MYO10: variants seen among roughly 807,000 people sequenced by gnomAD.
MYO10 encodes unconventional myosin-X.
Under a neutral mutation model 257.3 loss-of-function variants are expected in MYO10, and 133 were observed. The observed-to-expected ratio is 0.52, with a 90% confidence interval of 0.45 to 0.60. The LOEUF (loss-of-function observed/expected upper bound fraction) is 0.60. MYO10 is among the 20% of genes least tolerant of loss of function. The pLI is 0.00. For synonymous variants in MYO10, 1,104 were observed against 1,028.6 expected (o/e 1.07, Z -1.40); for missense variants, 2,399 against 2,635.7 (o/e 0.91, Z 1.97).
chr5:16,725,863 C>T (rs1363353929), intron 19 of MYO10, among the ~76,000 whole-genome samples: 2 of 151,196 alleles, frequency 1.3e-5, no homozygotes, highest in Non-Finnish European at 2.9e-5. Context: ...TCTTGGCTCA[C>T]TGCAGCCTCC....
intron 19 of MYO10, among the ~76,000 whole-genome samples, chr5:16,732,004 G>A (rs749879770): frequency 1.3e-5 from 2 of 152,198 alleles, no homozygotes; most frequent in Non-Finnish European, 2.9e-5. Context: ...GAGATACCAA[G>A]AGCAAGGAGG....
At chr5:16,763,780 G>A (rs1740789962) in intron 12 of MYO10, 25 bp from the exon 13 acceptor site, 46 of 1,325,882 alleles carry the variant, frequency 3.5e-5, no homozygotes, top group Non-Finnish European at 4.8e-5. Flanking sequence ...CATTCAATAA[G>A]TATCTTTAGT....
At chr5:16,674,723 T>C in intron 35 of MYO10, 130 bp downstream of exon 35, 2 of 1,062,882 alleles carry the variant, frequency 1.9e-6, no homozygotes, top group Non-Finnish European at 2.8e-6. Context: ...AACCCACAAG[T>C]CTGACCCAGA....
At chr5:16,866,068 G>C (rs753484378) in intron 2 of MYO10, among the ~76,000 whole-genome samples, 26 of 141,486 alleles carry the variant, frequency 1.8e-4, no homozygotes, top group Non-Finnish European at 3.7e-4. Context: ...CAAAACAATA[G>C]AGGAAAACCC....
chr5:16,804,880 C>T (rs541258357), intron 3 of MYO10, among the ~76,000 whole-genome samples: 25 of 152,196 alleles, frequency 1.6e-4, no homozygotes, highest in African/African-American at 6.0e-4. Flanking sequence ...CACTGCACTC[C>T]AGCCTGGGTA....
At chr5:16,723,992 G>A (rs1739257553) in intron 19 of MYO10, among the ~76,000 whole-genome samples, 2 of 152,156 alleles carry the variant, frequency 1.3e-5, no homozygotes, top group Admixed American at 1.3e-4. Flanking sequence ...TTAGGGAAGT[G>A]ACACTATTCT....
chr5:16,760,807 G>A (rs1740687827), intron 17 of MYO10, among the ~76,000 whole-genome samples: 1 of 151,938 alleles, frequency 6.6e-6, no homozygotes, highest in Non-Finnish European at 1.5e-5. Flanking sequence ...TGGCTCACTG[G>A]TTACCAGTTG....
intron 1 of MYO10, among the ~76,000 whole-genome samples, chr5:16,923,802 A>G (rs552270918): frequency 0.012 from 1,892 of 152,180 alleles, 38 homozygotes; most frequent in African/African-American, 0.044. Flanking sequence ...TAAAAATCAA[A>G]AAATTGGCCA....
At chr5:16,774,435 T>A (rs547522940) in intron 9 of MYO10, among the ~76,000 whole-genome samples, 24 of 152,288 alleles carry the variant, frequency 1.6e-4, no homozygotes, top group African/African-American at 5.3e-4. Flanking sequence ...TTAATTTATT[T>A]TTTTGAGACG....
intron 4 of MYO10, 134 bp downstream of exon 4, chr5:16,794,512 A>T: frequency 1.2e-6 from 1 of 822,324 alleles, no homozygotes; most frequent in Non-Finnish European, 1.7e-6. Context: ...CATTCAAAAC[A>T]GAAAACTCTG....
At chr5:16,768,256 A>T (rs1337691644) in intron 10 of MYO10, among the ~76,000 whole-genome samples, 1 of 152,172 alleles carries the variant, frequency 6.6e-6, no homozygotes, top group Non-Finnish European at 1.5e-5. Flanking sequence ...ACGTAGCTAT[A>T]TGGTAACTCA....
chr5:16,853,199 T>G (rs1239604970), intron 2 of MYO10, among the ~76,000 whole-genome samples: 1 of 151,750 alleles, frequency 6.6e-6, no homozygotes, highest in Non-Finnish European at 1.5e-5. Flanking sequence ...TGAAATTCCA[T>G]CTCTACTGAA....
At chr5:16,796,263 GAA>G (rs1235815513) in intron 3 of MYO10, among the ~76,000 whole-genome samples, 7 of 132,894 alleles carry the variant, frequency 5.3e-5, no homozygotes, top group African/African-American at 2.0e-4. Context: ...GAGAGAGAGA[GAA>G]AGAAAGAAGG....
At chr5:16,853,948 T>G (rs1743888001) in intron 2 of MYO10, 1 of 151,862 alleles carries the variant, frequency 6.6e-6, no homozygotes, top group African/African-American at 2.4e-5. Context: ...AAAAAAGCTG[T>G]GCTCATTTTC....
Position 16,779,525 on chromosome 5 carries a change from A to T in MYO10, c.930+20T>A, listed in dbSNP as rs1263465365. ...AGGTATCTGATATCTTAATAGGGAA[A>T]ACATTTAAAAGTAACTTACAATAAC... On this transcript the variant is annotated intron_variant, in intron 9 of 40. Transcript: ENST00000513610. The T allele has an allele frequency of 7.8e-6, 11 of 1,418,296 alleles. No individual in the cohort carries two copies. The highest frequency in any genetic ancestry group is 5.8e-5 in the African/African-American group (4 of 68,604). 87.9% of individuals were successfully genotyped at this position (1,418,296 alleles called of 1,614,324 possible).
chr5:16,844,952 A>ACG (rs1554002198), intron 2 of MYO10, among the ~76,000 whole-genome samples: 87 of 131,530 alleles, frequency 6.6e-4, no homozygotes, highest in Middle Eastern at 7.5e-3. Context: ...ACACACACAC[A>ACG]CGCACACACA....
Position 16,690,031 on chromosome 5 carries a change from G to A in MYO10, c.3801-112C>T, listed in dbSNP as rs148973748. 6,691 of 764,396 alleles carry A rather than the reference G, an allele frequency of 8.8e-3. 45 individuals are homozygous for A. Among genetic ancestry groups the A allele is most frequent in the South Asian group, 0.01 (659 of 63,646 alleles). 47.4% of individuals were successfully genotyped at this position (764,396 alleles called of 1,614,324 possible). A position where few individuals can be genotyped will look rare whatever the true frequency, so the allele number is the denominator to read the frequency against. On this transcript the variant is annotated intron_variant, in intron 27 of 40. Coordinates refer to ENST00000513610, the MANE Select transcript of MYO10 (RefSeq NM_012334.3). The stretch of plus-strand genomic sequence containing the variant: ...GAGTTGGGAACTGTCTGTTACTGAC[G>A]AAACGGTACACAGTTGGCTCTCCAT...
intron 19 of MYO10, among the ~76,000 whole-genome samples, chr5:16,712,953 G>A (rs1259102156): frequency 6.6e-6 from 1 of 152,140 alleles, no homozygotes; most frequent in Non-Finnish European, 1.5e-5. Context: ...TAAAAATGCG[G>A]GTTGGGGGGT....
At chr5:16,758,308 T>C (rs189562781) in intron 17 of MYO10, 82 bp from the exon 18 acceptor site, 95 of 968,596 alleles carry the variant, frequency 9.8e-5, no homozygotes, top group Non-Finnish European at 1.5e-4. Context: ...ATGGTGCCCT[T>C]TCTCAATGAT....
Sources: allele counts gnomAD v4.1 joint callset (sites outside exome capture counted in the v4.1 genomes callset), GRCh38; gene constraint gnomAD v4.1.1; transcripts MANE v1.5; gene names NCBI Gene and HGNC (gene_info 2026-07-23, HGNC 2026-07-21).